The following LGSN variants were observed in gnomAD, a reference collection of about 807,000 sequenced individuals.
The protein encoded by LGSN is lengsin.
Under a neutral mutation model 19.5 loss-of-function variants are expected in LGSN, and 21 were observed. The observed-to-expected ratio is 1.07, with a 90% CI of 0.76 to 1.55. LGSN has a LOEUF of 1.55. Ranked by LOEUF, LGSN falls within the 40% of genes most tolerant of loss-of-function variation. The pLI is 0.00. For missense variants in LGSN, 673 were observed against 608.5 expected (o/e 1.11, Z -1.12); for synonymous variants, 257 against 215.6 (o/e 1.19, Z -1.68).
Position 63,290,914 on chromosome 6 carries a change from A to G in LGSN, c.163+3999T>C, listed in dbSNP as rs574543943. Among the ~76,000 whole-genome samples the G allele has an allele frequency of 3.3e-5, 5 of 152,266 alleles. No homozygotes were observed. The East Asian group carries it at 9.7e-4, about 29-fold the overall frequency. The stretch of plus-strand genomic sequence containing the variant: ...GTTCTTACACCAGCCCATCTTTTGT[A>G]TTAACCGTCTGGCCCCTGTGGGTAT... On this transcript the variant is annotated intron_variant, in intron 2 of 3. Coordinates refer to ENST00000370657, the MANE Select transcript of LGSN (RefSeq NM_016571.3).
the LGSN span, among the ~76,000 whole-genome samples, chr6:63,500,781 G>A: frequency 1.3e-5 from 2 of 151,554 alleles, no homozygotes; most frequent in Non-Finnish European, 2.9e-5. Context: ...AGGCTGGAGT[G>A]CAGTGATGCA....
At chr6:63,391,220 A>T in the LGSN span, among the ~76,000 whole-genome samples, 1 of 152,264 alleles carries the variant, frequency 6.6e-6, no homozygotes, top group South Asian at 2.1e-4. Context: ...CTTAGCAGTC[A>T]ATCCTATTTG....
At chr6:63,333,507 GAAAGAACA>G in the LGSN span, among the ~76,000 whole-genome samples, 50 of 138,678 alleles carry the variant, frequency 3.6e-4, no homozygotes, top group Middle Eastern at 4.1e-3. Flanking sequence ...ACAAAAGAAT[GAAAGAACA>G]AAAGAACAAA....
chr6:63,412,430 GAAAGAAAGAAAGCA>G, the LGSN span, among the ~76,000 whole-genome samples: 12 of 127,422 alleles, frequency 9.4e-5, no homozygotes, highest in African/African-American at 3.4e-4. Context: ...AAGAAAGAAA[GAAAGAAAGAAAGCA>G]AGAAAGAAAG....
the LGSN span, among the ~76,000 whole-genome samples, chr6:63,474,641 G>T: frequency 6.6e-6 from 1 of 151,364 alleles, no homozygotes; most frequent in Middle Eastern, 3.2e-3. Context: ...GGGAAGTTAG[G>T]CTGGGCGCTG....
the LGSN span, among the ~76,000 whole-genome samples, chr6:63,551,541 T>C: frequency 6.6e-6 from 1 of 152,040 alleles, no homozygotes; most frequent in Non-Finnish European, 1.5e-5. Flanking sequence ...ATTAAGTTCA[T>C]TTTTTTTAAT....
the LGSN span, chr6:63,548,903 G>C: frequency 1.1e-6 from 1 of 883,050 alleles, no homozygotes; most frequent in Non-Finnish European, 1.9e-6. Context: ...GTATGAAGGC[G>C]ACAGTGGTGC....
the LGSN span, among the ~76,000 whole-genome samples, chr6:63,533,168 G>A: frequency 1.2e-4 from 18 of 152,312 alleles, no homozygotes; most frequent in African/African-American, 4.1e-4. Context: ...GGTCACTTGA[G>A]GTCACGAGTT....
At chr6:63,333,129 C>T in the LGSN span, among the ~76,000 whole-genome samples, 3 of 151,944 alleles carry the variant, frequency 2.0e-5, no homozygotes, top group South Asian at 2.1e-4. Context: ...GGGACCCGAG[C>T]GGGTTCCCCC....
At chr6:63,493,434 C>A in the LGSN span, among the ~76,000 whole-genome samples, 1 of 152,010 alleles carries the variant, frequency 6.6e-6, no homozygotes, top group African/African-American at 2.4e-5. Flanking sequence ...AGAAATGTTC[C>A]TTAGATTTCA....
At chr6:63,481,487 C>A in the LGSN span, among the ~76,000 whole-genome samples, 4 of 151,360 alleles carry the variant, frequency 2.6e-5, no homozygotes, top group African/African-American at 9.7e-5. Flanking sequence ...GGGCTACAGG[C>A]GCATGCCACC....
the LGSN span, among the ~76,000 whole-genome samples, chr6:63,512,262 T>A: frequency 6.6e-6 from 1 of 152,138 alleles, no homozygotes; most frequent in Non-Finnish European, 1.5e-5. Flanking sequence ...TTTGTATTTT[T>A]ATTAGAGGCA....
chr6:63,329,428 T>G, the LGSN span, among the ~76,000 whole-genome samples: 1 of 152,170 alleles, frequency 6.6e-6, no homozygotes, highest in Non-Finnish European at 1.5e-5. Context: ...CCTCAATGAG[T>G]CTAAGATCTT....
At chr6:63,331,126 G>A in the LGSN span, among the ~76,000 whole-genome samples, 449 of 152,264 alleles carry the variant, frequency 2.9e-3, 3 homozygotes, top group African/African-American at 0.01. Context: ...TTCCTTCTGG[G>A]CAGGGGAGAT....
the LGSN span, among the ~76,000 whole-genome samples, chr6:63,362,114 T>A: frequency 6.6e-6 from 1 of 152,212 alleles, no homozygotes; most frequent in African/African-American, 2.4e-5. Context: ...TAACAATACC[T>A]TCTTCTGGAA....
the LGSN span, among the ~76,000 whole-genome samples, chr6:63,531,023 A>T: frequency 6.6e-6 from 1 of 152,216 alleles, no homozygotes; most frequent in East Asian, 1.9e-4. Flanking sequence ...TATAAGAATG[A>T]GCTTTGCTTG....
At chr6:63,431,540 T>C in the LGSN span, among the ~76,000 whole-genome samples, 6 of 152,218 alleles carry the variant, frequency 3.9e-5, no homozygotes, top group African/African-American at 7.2e-5. Flanking sequence ...GCCTTACCAC[T>C]TACTAGTTGT....
At chr6:63,552,549 T>A in the LGSN span, among the ~76,000 whole-genome samples, 1 of 152,226 alleles carries the variant, frequency 6.6e-6, no homozygotes, top group East Asian at 1.9e-4. Context: ...TTAGATCCCA[T>A]TTGTTAATTT....
At chr6:63,357,929 A>T in the LGSN span, among the ~76,000 whole-genome samples, 5 of 151,884 alleles carry the variant, frequency 3.3e-5, no homozygotes, top group African/African-American at 1.2e-4. Flanking sequence ...CTGAATGGTA[A>T]TGCCTAGGTT....
Sources: gnomAD v4.1 joint callset for allele counts (sites outside exome capture counted in the v4.1 genomes callset) on GRCh38, gnomAD v4.1.1 for gene constraint, MANE v1.5 for transcripts, NCBI Gene and HGNC (gene_info 2026-07-23, HGNC 2026-07-21) for gene names.